ITGA9: variants seen among roughly 807,000 people sequenced by gnomAD.
The protein encoded by ITGA9 is integrin alpha-9.
Under a neutral mutation model 127.8 loss-of-function variants are expected in ITGA9, and 56 were observed. The observed-to-expected ratio is 0.44, with a 90% CI of 0.35 to 0.55. ITGA9 has a LOEUF of 0.55. ITGA9 is among the 20% of genes least tolerant of loss of function. The pLI, the probability that ITGA9 is intolerant of heterozygous loss-of-function variation, is 0.00. For synonymous variants in ITGA9, 508 were observed against 514.5 expected (o/e 0.99, Z 0.17); for missense variants, 1,196 against 1,347.1 (o/e 0.89, Z 1.76).
At chr3:37,494,935 G>T (rs545021463) in intron 5 of ITGA9, among the ~76,000 whole-genome samples, 1 of 152,330 alleles carries the variant, frequency 6.6e-6, no homozygotes, top group East Asian at 1.9e-4. Context: ...CATGAAGCGT[G>T]TGAGCATCCC....
chr3:37,772,689 T>C (rs1696858772), intron 23 of ITGA9, among the ~76,000 whole-genome samples: 1 of 152,172 alleles, frequency 6.6e-6, no homozygotes, highest in South Asian at 2.1e-4. Flanking sequence ...GAATCAGACT[T>C]ATGTAGCACC....
At chr3:37,667,719 T>G (rs1700599359) in intron 17 of ITGA9, among the ~76,000 whole-genome samples, 1 of 152,214 alleles carries the variant, frequency 6.6e-6, no homozygotes, top group Non-Finnish European at 1.5e-5. Flanking sequence ...ATTTTATGTG[T>G]GTACTTGGAG....
chr3:37,521,216 T>C (rs1699041128), intron 11 of ITGA9, among the ~76,000 whole-genome samples: 1 of 152,230 alleles, frequency 6.6e-6, no homozygotes, highest in Admixed American at 6.5e-5. Context: ...AAAAATTCTT[T>C]AATGGCAGAT....
At chr3:37,760,671 A>G (rs1210945241) in intron 23 of ITGA9, among the ~76,000 whole-genome samples, 1 of 152,210 alleles carries the variant, frequency 6.6e-6, no homozygotes, top group East Asian at 1.9e-4. Context: ...AAAAACAAAC[A>G]AACAAAAAAC....
chr3:37,458,225 A>C (rs563086090), intron 1 of ITGA9, among the ~76,000 whole-genome samples: 1 of 152,294 alleles, frequency 6.6e-6, no homozygotes, highest in Admixed American at 6.5e-5. Context: ...AGGCTTACAG[A>C]GTTACACGCC....
At chr3:37,489,691 C>CTTT (rs10579497) in intron 4 of ITGA9, among the ~76,000 whole-genome samples, 1 of 132,274 alleles carries the variant, frequency 7.6e-6, no homozygotes, top group Admixed American at 7.5e-5. Context: ...TATAATTGCC[C>CTTT]TTTTTTTTTT....
At chr3:37,670,379 C>A (rs978833181) in intron 17 of ITGA9, among the ~76,000 whole-genome samples, 1 of 152,184 alleles carries the variant, frequency 6.6e-6, no homozygotes, top group African/African-American at 2.4e-5. Context: ...GTCATTAACT[C>A]AGTCCCTACC....
rs762624342 is a variant in ITGA9, at chr3:37,653,815, A to G, written c.1916+25A>G. On this transcript the variant is annotated intron_variant, in intron 17 of 27. Transcript: ENST00000264741. The stretch of plus-strand genomic sequence containing the variant: ...GGTATGTCGGTGTTTCCTTCAGAGC[A>G]TTGTTCTCAGGCTCCTTTTTCTTGA... 57 of 1,576,244 alleles carry G rather than the reference A, an allele frequency of 3.6e-5. 1 individual carries two copies. In the South Asian group the frequency reaches 6.2e-4, roughly 17 times the overall value.
chr3:37,598,247 G>T (rs995205032), intron 15 of ITGA9, among the ~76,000 whole-genome samples: 1 of 152,132 alleles, frequency 6.6e-6, no homozygotes, highest in African/African-American at 2.4e-5. Context: ...ATTAAAAAGA[G>T]CTCAAATGAA....
chr3:37,553,500 T>A (rs1337150631), intron 15 of ITGA9, among the ~76,000 whole-genome samples: 1 of 152,248 alleles, frequency 6.6e-6, no homozygotes, highest in East Asian at 1.9e-4. Context: ...GGATGTATAT[T>A]TTCTGCAGGA....
intron 4 of ITGA9, among the ~76,000 whole-genome samples, chr3:37,488,840 T>G (rs1299615319): frequency 1.3e-5 from 2 of 151,758 alleles, no homozygotes; most frequent in African/African-American, 4.8e-5. Context: ...ACATAAAAAT[T>G]ACCATTTTAA....
At chr3:37,818,013 A>G (rs1575253320) in intron 27 of ITGA9, among the ~76,000 whole-genome samples, 2 of 151,998 alleles carry the variant, frequency 1.3e-5, no homozygotes, top group African/African-American at 4.8e-5. Flanking sequence ...GACGCTTTAA[A>G]CAGCCTCTCA....
At chr3:37,618,189 C>T (rs987608325) in intron 15 of ITGA9, among the ~76,000 whole-genome samples, 4 of 152,182 alleles carry the variant, frequency 2.6e-5, no homozygotes, top group African/African-American at 4.8e-5. Flanking sequence ...CAGTCAGGAC[C>T]CTCAGCTGCA....
At chr3:37,572,042 C>G (rs1013254891) in intron 15 of ITGA9, among the ~76,000 whole-genome samples, 1 of 151,936 alleles carries the variant, frequency 6.6e-6, no homozygotes, top group East Asian at 1.9e-4. Context: ...TGAGTTTTGT[C>G]TCAGGATTTC....
At chr3:37,803,604 G>A (rs1697259733) in intron 26 of ITGA9, among the ~76,000 whole-genome samples, 1 of 152,134 alleles carries the variant, frequency 6.6e-6, no homozygotes, top group Non-Finnish European at 1.5e-5. Flanking sequence ...AGCCAACATG[G>A]TGAAACCCTG....
chr3:37,679,567 A>G (rs1314672300), intron 17 of ITGA9, among the ~76,000 whole-genome samples: 1 of 151,984 alleles, frequency 6.6e-6, no homozygotes, highest in African/African-American at 2.4e-5. Flanking sequence ...TTCATCTGTA[A>G]AATGTGAAGG....
At chr3:37,725,849 G>C (rs1696183781) in intron 18 of ITGA9, among the ~76,000 whole-genome samples, 1 of 152,178 alleles carries the variant, frequency 6.6e-6, no homozygotes, top group Non-Finnish European at 1.5e-5. Context: ...TGGTTAATTT[G>C]CCTGACAACA....
At chr3:37,453,799 G>A (rs992512736) in intron 1 of ITGA9, among the ~76,000 whole-genome samples, 1 of 152,106 alleles carries the variant, frequency 6.6e-6, no homozygotes, top group African/African-American at 2.4e-5. Flanking sequence ...CCTGGAAAAG[G>A]GGACTCTGAG....
rs1697300931 is a variant in ITGA9, at chr3:37,806,674, C to T, written c.3009+2732C>T. 1 of 152,260 alleles carries T rather than the reference C, an allele frequency of 6.6e-6. No individual in the cohort carries two copies. The highest frequency in any genetic ancestry group is 6.5e-5 in the Admixed American group (1 of 15,282). The allele number at this position is 152,260 out of a possible 1,614,324, so 9.4% of individuals were successfully genotyped here. A position where few individuals can be genotyped will look rare whatever the true frequency, so the allele number is the denominator to read the frequency against. On this transcript the variant is annotated intron_variant, in intron 27 of 27. Coordinates refer to ENST00000264741, the MANE Select transcript of ITGA9 (RefSeq NM_002207.3). The surrounding 1 kb of genome is among the most constrained non-coding windows in gnomAD (Gnocchi z 4.3). ...AAGAGCCAGGACCTGAGAAGGCAGA[C>T]TCTGCCCTCTGCCACAGACTGGGAG... is the stretch of plus-strand genomic sequence containing the variant.
Sources: allele counts gnomAD v4.1 joint callset (sites outside exome capture counted in the v4.1 genomes callset), GRCh38; gene constraint gnomAD v4.1.1; non-coding constraint Gnocchi (gnomAD v3.1); transcripts MANE v1.5; gene names NCBI Gene and HGNC (gene_info 2026-07-23, HGNC 2026-07-21).